ABLIM2: variants seen among roughly 807,000 people sequenced by gnomAD.
ABLIM2 encodes actin binding LIM protein family member 2, also known as actin-binding LIM protein 2.
A neutral mutation model predicts 97.7 loss-of-function variants in ABLIM2; 53 were observed. That is an observed-to-expected ratio of 0.54 (90% confidence interval 0.44 to 0.68). The LOEUF (loss-of-function observed/expected upper bound fraction) is 0.68, where lower values mean the gene tolerates loss of function less well. Ranked by LOEUF, ABLIM2 falls within the 30% of genes least tolerant of loss-of-function variation. The pLI is 0.00. For missense variants in ABLIM2, 835 were observed against 867.2 expected, an observed-to-expected ratio of 0.96 and a Z score of 0.47; for synonymous variants, 361 against 345.8, an observed-to-expected ratio of 1.04 and a Z score of -0.49.
intron 1 of ABLIM2, among the ~76,000 whole-genome samples, chr4:8,145,826 C>A (rs141303677): frequency 6.6e-6 from 1 of 151,716 alleles, no homozygotes; most frequent in Non-Finnish European, 1.5e-5. Context: ...ATACCGCTCA[C>A]AGCCCTAGCT....
At chr4:8,064,882 CTGTG>C (rs1233225966) in intron 6 of ABLIM2, among the ~76,000 whole-genome samples, 3 of 152,312 alleles carry the variant, frequency 2.0e-5, no homozygotes, top group African/African-American at 4.8e-5. Context: ...ACGCACCCCT[CTGTG>C]TGTATTACAT....
intron 4 of ABLIM2, among the ~76,000 whole-genome samples, chr4:8,081,292 C>T (rs1433696342): frequency 1.3e-5 from 2 of 152,228 alleles, no homozygotes; most frequent in African/African-American, 4.8e-5. Context: ...CGGTGACTGG[C>T]GCTCTCCACC....
Position 8,017,485 on chromosome 4 carries a change from A to G in ABLIM2, c.1423+2133T>C, listed in dbSNP as rs559709468. ...TGTATTTTAGTAGAGATGGGGTTTCACTGTGTTGCCCAGGCTGGTCTCGAA... is the reference window on the plus strand; with the variant it reads ...TGTATTTTAGTAGAGATGGGGTTTCGCTGTGTTGCCCAGGCTGGTCTCGAA... On this transcript the variant is annotated intron_variant, in intron 14 of 20. Coordinates refer to ENST00000447017, the MANE Select transcript of ABLIM2 (RefSeq NM_001130083.2). Among the ~76,000 whole-genome samples, 39 of 151,624 alleles carry G rather than the reference A, an allele frequency of 2.6e-4. No individual in the cohort carries two copies. The South Asian group carries it at 8.2e-3, about 32-fold the overall frequency.
rs41266513 is a variant in ABLIM2, at chr4:8,019,371, T to C, written c.1423+247A>G. 3.8e-3 allele frequency among the ~76,000 whole-genome samples: 577 copies of C among 152,322 alleles called. 3 individuals carry two copies. Among genetic ancestry groups the C allele is most frequent in the Non-Finnish European group, 5.7e-3 (391 of 68,028 alleles). On this transcript the variant is annotated intron_variant, in intron 14 of 20. Coordinates refer to ENST00000447017, the MANE Select transcript of ABLIM2 (RefSeq NM_001130083.2). The surrounding 1 kb of genome is among the most constrained non-coding windows in gnomAD (Gnocchi z 4.3). ...AACCCCCATCCCAAGCCCTGGCTGA[T>C]GTGCATTAGCCTCGGCGTCGTAACG...
chr4:7,973,986 T>G (rs1730488870), intron 20 of ABLIM2, among the ~76,000 whole-genome samples: 1 of 152,226 alleles, frequency 6.6e-6, no homozygotes, highest in South Asian at 2.1e-4. Flanking sequence ...TGAAGTCTGT[T>G]GGCAGCCTGA....
chr4:7,974,128 T>G (rs1415337679), intron 20 of ABLIM2, among the ~76,000 whole-genome samples: 1 of 152,216 alleles, frequency 6.6e-6, no homozygotes, highest in East Asian at 1.9e-4. Context: ...GGCCAAGTTC[T>G]TAAAATAAAT....
Position 8,043,352 on chromosome 4 carries a change from G to T in ABLIM2, c.900+1812C>A. Among the ~76,000 whole-genome samples the T allele has an allele frequency of 6.6e-6, 1 of 152,176 alleles. No individual in the cohort carries two copies. The highest frequency in any genetic ancestry group is 1.9e-4 in the East Asian group (1 of 5,196). ...TACCTTTGTGCGCCTACACAAACATGATCTCATTCACATGATAATTGTCAT... is the reference window on the plus strand; with the variant it reads ...TACCTTTGTGCGCCTACACAAACATTATCTCATTCACATGATAATTGTCAT... On this transcript the variant is annotated intron_variant, in intron 9 of 20. Coordinates refer to ENST00000447017, the MANE Select transcript of ABLIM2 (RefSeq NM_001130083.2). This position sits in a 1 kb window ranked among gnomAD's most constrained non-coding sequence, Gnocchi z 4.8.
chr4:8,050,133 T>A (rs1367815699), intron 8 of ABLIM2, among the ~76,000 whole-genome samples: 1 of 152,216 alleles, frequency 6.6e-6, no homozygotes, highest in Non-Finnish European at 1.5e-5. Flanking sequence ...CTGATTGATG[T>A]CTCGTGTCTT....
rs922748203 is a variant in ABLIM2 at position 8,149,535 on chromosome 4, G to A, written c.10+9145C>T. On this transcript the variant is annotated intron_variant, in intron 1 of 20. Coordinates refer to ENST00000447017, the MANE Select transcript of ABLIM2 (RefSeq NM_001130083.2). The surrounding 1 kb of genome is among the most constrained non-coding windows in gnomAD (Gnocchi z 6.4). ...AGGGAAGCAGAGGGCCTAGAGATGG[G>A]AAGAAAGCTTCACAGAGGCCCTGGA... Among the ~76,000 whole-genome samples, 11 of 151,928 alleles carry A rather than the reference G, an allele frequency of 7.2e-5. No individual in the cohort carries two copies. Among genetic ancestry groups the A allele is most frequent in the South Asian group, 2.1e-4 (1 of 4,820 alleles).
intron 17 of ABLIM2, among the ~76,000 whole-genome samples, chr4:7,985,209 G>A (rs114114124): frequency 0.026 from 3,942 of 152,326 alleles, 78 homozygotes; most frequent in Middle Eastern, 0.058. Context: ...AGGTGCCTGA[G>A]TTCCCCACTC....
chr4:8,089,218 G>C (rs1577513310), intron 3 of ABLIM2, among the ~76,000 whole-genome samples: 1 of 152,186 alleles, frequency 6.6e-6, no homozygotes, highest in East Asian at 1.9e-4. Flanking sequence ...TGGAAACTGA[G>C]GGATGGCTCA....
intron 20 of ABLIM2, among the ~76,000 whole-genome samples, chr4:7,982,608 G>A (rs1405858001): frequency 1.3e-5 from 2 of 152,142 alleles, no homozygotes; most frequent in Non-Finnish European, 2.9e-5. Flanking sequence ...GCATTTGTCC[G>A]GTTATTTTAG....
chr4:7,995,465 C>T (rs1311738181), intron 16 of ABLIM2, among the ~76,000 whole-genome samples: 1 of 152,232 alleles, frequency 6.6e-6, no homozygotes, highest in Admixed American at 6.5e-5. Flanking sequence ...TGCCCACCCG[C>T]TCTCTCCGGG....
chr4:8,042,216 A>C (rs1560887041), intron 9 of ABLIM2, among the ~76,000 whole-genome samples: 1 of 152,186 alleles, frequency 6.6e-6, no homozygotes, highest in Non-Finnish European at 1.5e-5. Context: ...GAAGTGAGCC[A>C]TACCAACCAG....
chr4:8,006,401 C>T (rs1023771809), intron 16 of ABLIM2, among the ~76,000 whole-genome samples: 1 of 152,210 alleles, frequency 6.6e-6, no homozygotes, highest in African/African-American at 2.4e-5. Flanking sequence ...ATCAGTATGG[C>T]CCCAGCCTTG....
At chr4:8,030,081 A>T in intron 10 of ABLIM2, among the ~76,000 whole-genome samples, 1 of 152,058 alleles carries the variant, frequency 6.6e-6, no homozygotes, top group Non-Finnish European at 1.5e-5. Context: ...TTCATCCTCC[A>T]GGTCTCCTCC....
At chr4:8,118,717 C>G (rs1183353302) in intron 1 of ABLIM2, among the ~76,000 whole-genome samples, 1 of 152,210 alleles carries the variant, frequency 6.6e-6, no homozygotes, top group African/African-American at 2.4e-5. Context: ...CTGGCACCAG[C>G]CTGGGCTCCC....
intron 14 of ABLIM2, among the ~76,000 whole-genome samples, chr4:8,018,672 C>T (rs1417876552): frequency 6.6e-6 from 1 of 152,202 alleles, no homozygotes; most frequent in East Asian, 1.9e-4. Context: ...TCACAGGAAA[C>T]ACACTTTTTA....
intron 1 of ABLIM2, among the ~76,000 whole-genome samples, chr4:8,111,590 A>G (rs1414682421): frequency 6.6e-6 from 1 of 152,240 alleles, no homozygotes; most frequent in Non-Finnish European, 1.5e-5. Context: ...TGTCTTATCT[A>G]GAAACCAAGA....
Sources: gnomAD v4.1 joint callset for allele counts (sites outside exome capture counted in the v4.1 genomes callset) on GRCh38, gnomAD v4.1.1 for gene constraint, Gnocchi (gnomAD v3.1) non-coding constraint, MANE v1.5 for transcripts, NCBI Gene and HGNC (gene_info 2026-07-23, HGNC 2026-07-21) for gene names.